ITFG1: variants seen among roughly 807,000 people sequenced by gnomAD.
ITFG1 encodes integrin alpha FG-GAP repeat containing 1, also known as T-cell immunomodulatory protein.
In ITFG1, 34 loss-of-function variants were observed where a neutral mutation model predicts 81.8. The ratio of observed to expected loss-of-function variants is 0.42; its 90% CI spans 0.32 to 0.55. The LOEUF is 0.55. Among genes scored for constraint, ITFG1 ranks in the 20% least tolerant of loss-of-function variants. ITFG1 has a pLI of 0.17. For missense variants in ITFG1, 672 were observed against 755.4 expected (o/e 0.89, Z 1.29); for synonymous variants, 285 against 270.6 (o/e 1.05, Z -0.52).
At chr16:47,409,387 T>C (rs1393585409) in intron 6 of ITFG1, among the ~76,000 whole-genome samples, 1 of 14,582 alleles carries the variant, frequency 6.9e-5, no homozygotes, top group Non-Finnish European at 1.4e-4. Flanking sequence ...TATATATATA[T>C]ATATATATAT....
At chr16:47,430,213 A>G (rs527815278) in intron 5 of ITFG1, among the ~76,000 whole-genome samples, 5 of 150,020 alleles carry the variant, frequency 3.3e-5, no homozygotes, top group African/African-American at 9.8e-5. Context: ...ATGTACCACC[A>G]TGTTTGGGTA....
intron 6 of ITFG1, among the ~76,000 whole-genome samples, chr16:47,395,334 T>TA (rs1410159269): frequency 6.6e-6 from 1 of 152,120 alleles, no homozygotes; most frequent in Non-Finnish European, 1.5e-5. Context: ...TAGATAAAAA[T>TA]AAAAATAGAA....
chr16:47,443,423 A>G (rs1969281141), intron 5 of ITFG1, among the ~76,000 whole-genome samples: 3 of 152,228 alleles, frequency 2.0e-5, no homozygotes, highest in African/African-American at 7.2e-5. Context: ...ATTATAAATC[A>G]TGCTGCTATA....
rs764635348 is a variant in ITFG1 at position 47,459,192 on chromosome 16, TATG to T, written c.209-20_209-18del. On this transcript the variant is annotated intron_variant, in intron 1 of 17. Transcript: ENST00000320640. ...AGTCATTTCCTAAAGAAAACAAATA[TATG>T]ATATTAGAAAAATGTTTGTTGATAA... 20 of 1,494,740 alleles carry T rather than the reference TATG, an allele frequency of 1.3e-5. No homozygotes were observed. The highest frequency in any genetic ancestry group is 1.7e-5 in the Non-Finnish European group (18 of 1,072,350). The allele number at this position is 1,494,740 out of a possible 1,614,324, so 92.6% of individuals were successfully genotyped here.
At chr16:47,357,697 A>G (rs1407840520) in intron 8 of ITFG1, among the ~76,000 whole-genome samples, 2 of 152,090 alleles carry the variant, frequency 1.3e-5, no homozygotes, top group Non-Finnish European at 2.9e-5. Flanking sequence ...TTTAGGAAAA[A>G]AACACTCTTA....
chr16:47,375,614 T>C (rs1045266639), intron 7 of ITFG1, among the ~76,000 whole-genome samples: 1 of 152,112 alleles, frequency 6.6e-6, no homozygotes, highest in African/African-American at 2.4e-5. Context: ...ATAGCAGGGG[T>C]CCTGTTAACA....
intron 14 of ITFG1, among the ~76,000 whole-genome samples, chr16:47,217,785 T>A (rs1386042758): frequency 6.6e-6 from 1 of 151,830 alleles, no homozygotes; most frequent in Non-Finnish European, 1.5e-5. Flanking sequence ...ATTAGCCGGG[T>A]GTAGTGGCGG....
rs1370531619 is a variant in ITFG1 at position 47,215,250 on chromosome 16, G to C, written c.1453+3618C>G. On this transcript the variant is annotated intron_variant, in intron 14 of 17. Transcript: ENST00000320640. The stretch of plus-strand genomic sequence containing the variant: ...GGGATGGAAGGTACGGTTTAGCCCA[G>C]TAATGTTTCTTTGGAGTTCAACATG... 2.6e-5 allele frequency among the ~76,000 whole-genome samples: 4 copies of C among 152,104 alleles called. No individual in the cohort carries two copies. In the East Asian group the frequency reaches 7.7e-4, roughly 29 times the overall value.
chr16:47,275,627 T>A (rs930441448), intron 10 of ITFG1, among the ~76,000 whole-genome samples: 1 of 152,138 alleles, frequency 6.6e-6, no homozygotes, highest in Non-Finnish European at 1.5e-5. Context: ...TGTGTTTTCA[T>A]ATGTAATCTT....
chr16:47,222,705 G>A (rs1202329242), intron 13 of ITFG1, among the ~76,000 whole-genome samples: 1 of 152,128 alleles, frequency 6.6e-6, no homozygotes, highest in Non-Finnish European at 1.5e-5. Context: ...GAGCCACTCT[G>A]CCCAGCCTTG....
At chr16:47,441,208 G>T (rs986135374) in intron 5 of ITFG1, among the ~76,000 whole-genome samples, 5 of 152,092 alleles carry the variant, frequency 3.3e-5, no homozygotes, top group African/African-American at 9.7e-5. Context: ...ACCAAAAAAA[G>T]TCCAGGACCA....
In ITFG1 at chr16:47,454,132, A is replaced by G; in HGVS notation, c.308T>C (p.Val103Ala). Residue 103 changes from valine to alanine, a missense_variant, in exon 3 of 18, where the codon GTA (valine) becomes GCA (alanine). Physicochemically the swap from Val to Ala is moderately conservative, Grantham distance 64. Around this residue, in one of 3 missense-constraint regions of ITFG1, gnomAD observed 560 missense variants for 625.7 expected, o/e 0.90. Transcript: ENST00000320640. ...ATCTCCATCATAATCCCCAGGGACTACACTTGTTATCAATGCACTGTGATT... is the reference window on the plus strand; with the variant it reads ...ATCTCCATCATAATCCCCAGGGACTGCACTTGTTATCAATGCACTGTGATT... ...FKNHSALITS[V>A]VPGDYDGDSQ... The G allele has an allele frequency of 6.2e-7, 1 of 1,607,182 alleles. No individual in the cohort carries two copies. Among genetic ancestry groups the G allele is most frequent in the Non-Finnish European group, 8.5e-7 (1 of 1,175,228 alleles).
At chr16:47,270,341 A>C (rs1056351560) in intron 10 of ITFG1, among the ~76,000 whole-genome samples, 17 of 149,624 alleles carry the variant, frequency 1.1e-4, no homozygotes, top group Non-Finnish European at 2.0e-4. Context: ...AGAATATATA[A>C]AAATCTTTCA....
intron 10 of ITFG1, among the ~76,000 whole-genome samples, chr16:47,307,116 A>AAC (rs1967179675): frequency 1.3e-5 from 2 of 148,204 alleles, no homozygotes; most frequent in East Asian, 3.9e-4. Flanking sequence ...AAAAAAAAAA[A>AAC]AAAAAAACGG....
intron 14 of ITFG1, among the ~76,000 whole-genome samples, chr16:47,174,093 CT>C (rs1319773290): frequency 6.6e-5 from 10 of 152,078 alleles, no homozygotes; most frequent in Admixed American, 2.0e-4. Context: ...TTCAAGGTTG[CT>C]TTGTTCTTAT....
chr16:47,301,893 T>G (rs916025226), intron 10 of ITFG1, among the ~76,000 whole-genome samples: 4 of 152,184 alleles, frequency 2.6e-5, no homozygotes, highest in African/African-American at 9.7e-5. Context: ...TCAACCAGGT[T>G]TTTTGTTAGA....
At chr16:47,453,887 T>C in intron 3 of ITFG1, 126 bp downstream of exon 3, 1 of 666,788 alleles carries the variant, frequency 1.5e-6, no homozygotes, top group Non-Finnish European at 2.5e-6. Context: ...AAATAAACTT[T>C]GAAAAAAGGT....
At chr16:47,348,026 A>G (rs1967885409) in intron 8 of ITFG1, among the ~76,000 whole-genome samples, 1 of 152,230 alleles carries the variant, frequency 6.6e-6, no homozygotes, top group Non-Finnish European at 1.5e-5. Context: ...AAAACTAACA[A>G]ACAGAAAGGA....
intron 14 of ITFG1, among the ~76,000 whole-genome samples, chr16:47,188,693 C>G (rs1014148904): frequency 6.6e-6 from 1 of 150,804 alleles, no homozygotes. Context: ...GTGGGTGCAG[C>G]GCATCAGCAT....
Sources: gnomAD v4.1 joint callset for allele counts (sites outside exome capture counted in the v4.1 genomes callset) on GRCh38, gnomAD v4.1.1 for gene constraint, gnomAD v4.1.1 regional missense constraint, MANE v1.5 for transcripts, NCBI Gene and HGNC (gene_info 2026-07-23, HGNC 2026-07-21) for gene names.